Variants in CCDC71 observed in about 807,000 individuals in gnomAD.
CCDC71 encodes coiled-coil domain containing 71, also known as coiled-coil domain-containing protein 71.
For synonymous variants in CCDC71, 257 were observed against 242.2 expected, an observed-to-expected ratio of 1.06 and a Z score of -0.57; for missense variants, 594 against 604.0, an observed-to-expected ratio of 0.98 and a Z score of 0.17.
chr3:49,162,652 A>T lies in CCDC71; in HGVS notation c.*153T>A, dbSNP rs1320869252. 1 of 20,848 alleles carries T rather than the reference A, an allele frequency of 4.8e-5. No individual in the cohort carries two copies. 1.3% of individuals were successfully genotyped at this position (20,848 alleles called of 1,614,324 possible). A position where few individuals can be genotyped will look rare whatever the true frequency, so the allele number is the denominator to read the frequency against. ...CCACCCACCCCACCGTACCCCACCC[A>T]CTCTGGTTTCTGAAAGGAGGCTGGT... On this transcript the variant is annotated 3_prime_UTR_variant, in exon 2 of 2. Transcript: ENST00000321895.
chr3:49,164,063 A>T lies in CCDC71; in HGVS notation c.146T>A (p.Val49Glu). The stretch of plus-strand genomic sequence containing the variant: ...ATCTCGCAGGCCCTGCAGGAAGGCC[A>T]CAAGCTGGGCCTCTGTGGCACTGAG... Reference protein sequence around the residue: ...QDLSATEAQLVAFLQGLRDDG... With the variant: ...QDLSATEAQLEAFLQGLRDDG... The change falls in exon 2 of 2, where the codon GTG (valine) becomes GAG (glutamate). Residue 49 changes from valine to glutamate, a missense_variant. Coordinates refer to ENST00000321895, the MANE Select transcript of CCDC71 (RefSeq NM_022903.4). The T allele has an allele frequency of 1.9e-6, 3 of 1,614,162 alleles. No individual in the cohort carries two copies. The highest frequency in any genetic ancestry group is 2.5e-6 in the Non-Finnish European group (3 of 1,180,034).
rs1298022896 is a variant in CCDC71, at chr3:49,166,042, G to C, written c.-53+225C>G. Among the ~76,000 whole-genome samples, 1 of 152,198 alleles carries C rather than the reference G, an allele frequency of 6.6e-6. No individual in the cohort carries two copies. ...TCCTTAGGGCCCAAGCCGTGAGGCG[G>C]GGGTCACTGAGGCAGCGAAATGTAC... On this transcript the variant is annotated intron_variant, in intron 1 of 1. Transcript: ENST00000321895. This position sits in a 1 kb window ranked among gnomAD's most constrained non-coding sequence, Gnocchi z 4.0.
In CCDC71 at chr3:49,166,328, G is replaced by T. The variant is rs912822409; in HGVS notation, c.-114C>A. ...CCGCCTCCGCTGCTCCAACATGGCC[G>T]CCCGCTGCGCGCCGGAAGTGCACTG... On this transcript the variant is annotated 5_prime_UTR_variant, in exon 1 of 2. Coordinates refer to ENST00000321895, the MANE Select transcript of CCDC71 (RefSeq NM_022903.4). The surrounding 1 kb of genome is among the most constrained non-coding windows in gnomAD (Gnocchi z 4.0). 1 of 152,480 alleles carries T rather than the reference G, an allele frequency of 6.6e-6. No homozygotes were observed. Among genetic ancestry groups the T allele is most frequent in the African/African-American group, 2.4e-5 (1 of 41,424 alleles). 9.4% of individuals were successfully genotyped at this position (152,480 alleles called of 1,614,324 possible).
rs200635627 is a variant in CCDC71 at position 49,162,958 on chromosome 3, C to T, written c.1251G>A (p.Gly417=). Residue 417 remains glycine, a synonymous_variant, in exon 2 of 2, where the codon GGG becomes GGA. Coordinates refer to ENST00000321895, the MANE Select transcript of CCDC71 (RefSeq NM_022903.4). ...LGPRSPKAWL[G]PGTAKLLKFR... ...ACTTCAGCAGCTTTGCTGTTCCAGG[C>T]CCTAGCCATGCCTTAGGAGATCGGG... 2 of 1,614,268 alleles carry T rather than the reference C, an allele frequency of 1.2e-6. No homozygotes were observed. Among genetic ancestry groups the T allele is most frequent in the Non-Finnish European group, 1.7e-6 (2 of 1,180,044 alleles).
rs2045723784 is a variant in CCDC71, at chr3:49,166,231, C to T, written c.-53+36G>A. The T allele has an allele frequency of 6.6e-6, 1 of 151,952 alleles. No individual in the cohort carries two copies. The highest frequency in any genetic ancestry group is 1.5e-5 in the Non-Finnish European group (1 of 67,958). The allele number at this position is 151,952 out of a possible 1,614,324, so 9.4% of individuals were successfully genotyped here. A position where few individuals can be genotyped will look rare whatever the true frequency, so the allele number is the denominator to read the frequency against. On this transcript the variant is annotated intron_variant, in intron 1 of 1. Transcript: ENST00000321895. The surrounding 1 kb of genome is among the most constrained non-coding windows in gnomAD (Gnocchi z 4.0). The stretch of plus-strand genomic sequence containing the variant: ...CGCCCTGCCGCCTCGCGGGCCGCCC[C>T]TCCGCGGCGCGGCTAGGCCCGCGGC...
Position 49,163,113 on chromosome 3 carries a change from G to A in CCDC71, c.1096C>T (p.Pro366Ser), listed in dbSNP as rs1269091771. 1 of 1,614,224 alleles carries A rather than the reference G, an allele frequency of 6.2e-7. No individual in the cohort carries two copies. Among genetic ancestry groups the A allele is most frequent in the Middle Eastern group, 1.6e-4 (1 of 6,062 alleles). ...GTTCTGGCCTTAGCAGATCCCTTTG[G>A]CCTGCCTCTGCCCCTGGGCTGGGTC... ...ARTQPRGRGR[P>S]KGSAKARTTR... The change falls in exon 2 of 2, where the codon CCA (proline) becomes TCA (serine). Residue 366 changes from proline to serine, a missense_variant. Coordinates refer to ENST00000321895, the MANE Select transcript of CCDC71 (RefSeq NM_022903.4).
At position 49,163,596 on chromosome 3, in the gene CCDC71, G is replaced by A. The variant is rs370177040; in HGVS notation, c.613C>T (p.Leu205Phe). The A allele has an allele frequency of 1.1e-5, 18 of 1,614,126 alleles. No homozygotes were observed. In the African/African-American group the frequency reaches 2.3e-4, roughly 20 times the overall value. Residue 205 changes from leucine (L) to phenylalanine (F), a missense_variant, in exon 2 of 2, where the codon CTT becomes TTT. Physicochemically the swap from Leu to Phe is conservative, Grantham distance 22 (BLOSUM62 0). Coordinates refer to ENST00000321895, the MANE Select transcript of CCDC71 (RefSeq NM_022903.4). ...CGCAGTTTCAGAGGAGAGTCTGCAA[G>A]TGAGAGCTGCAGTGACTGTGCCTTG... Reference protein sequence around the residue: ...KHKAQSLQLSLADSPLKLRKS... With the variant: ...KHKAQSLQLSFADSPLKLRKS...
rs895010926 is a variant in CCDC71, at chr3:49,166,181, G to A, written c.-53+86C>T. 1.3e-5 allele frequency: 2 copies of A among 151,994 alleles called. No individual in the cohort carries two copies. The highest frequency in any genetic ancestry group is 6.5e-5 in the Admixed American group (1 of 15,268). The allele number at this position is 151,994 out of a possible 1,614,324, so 9.4% of individuals were successfully genotyped here. A position where few individuals can be genotyped will look rare whatever the true frequency, so the allele number is the denominator to read the frequency against. On this transcript the variant is annotated intron_variant, in intron 1 of 1. Transcript: ENST00000321895. The surrounding 1 kb of genome is among the most constrained non-coding windows in gnomAD (Gnocchi z 4.0). ...CCAGGCCGGCGGAGGACGCGGGTCC[G>A]GGAAGAGTTGGCCGCTTGCCCGTCC... is the stretch of plus-strand genomic sequence containing the variant.
In CCDC71 at chr3:49,162,555, T is replaced by C. The variant is rs1297871848; in HGVS notation, c.*250A>G. 3 of 560,670 alleles carry C rather than the reference T, an allele frequency of 5.4e-6. No individual in the cohort carries two copies. The highest frequency in any genetic ancestry group is 4.5e-5 in the South Asian group (2 of 44,332). 34.7% of individuals were successfully genotyped at this position (560,670 alleles called of 1,614,324 possible). On this transcript the variant is annotated 3_prime_UTR_variant, in exon 2 of 2. Coordinates refer to ENST00000321895, the MANE Select transcript of CCDC71 (RefSeq NM_022903.4). Reference sequence around the variant, plus strand: ...GAAGGTGGAAAGGTATAAAACGTGATAGATGGAACAGTAGACATACAACTT... The same window carrying C: ...GAAGGTGGAAAGGTATAAAACGTGACAGATGGAACAGTAGACATACAACTT...
In CCDC71 at chr3:49,166,041, G is replaced by A. The variant is rs912538200; in HGVS notation, c.-53+226C>T. Among the ~76,000 whole-genome samples the A allele has an allele frequency of 6.6e-6, 1 of 152,178 alleles. No individual in the cohort carries two copies. Among genetic ancestry groups the A allele is most frequent in the Non-Finnish European group, 1.5e-5 (1 of 68,002 alleles). On this transcript the variant is annotated intron_variant, in intron 1 of 1. Coordinates refer to ENST00000321895, the MANE Select transcript of CCDC71 (RefSeq NM_022903.4). This position sits in a 1 kb window ranked among gnomAD's most constrained non-coding sequence, Gnocchi z 4.0. ...GTCCTTAGGGCCCAAGCCGTGAGGCGGGGGTCACTGAGGCAGCGAAATGTA... is the reference window on the plus strand; with the variant it reads ...GTCCTTAGGGCCCAAGCCGTGAGGCAGGGGTCACTGAGGCAGCGAAATGTA...
Position 49,164,020 on chromosome 3 carries a change from G to T in CCDC71, c.189C>A (p.Thr63=). Residue 63 remains threonine, a synonymous_variant, in exon 2 of 2, where the codon ACC becomes ACA. Transcript: ENST00000321895. ...QGLRDDGFQP[T]ILRSGDVYGY... ...CATAGACATCACCACTGCGCAGGATGGTAGGTTGGAAGCCATCATCTCGCA... is the reference window on the plus strand; with the variant it reads ...CATAGACATCACCACTGCGCAGGATTGTAGGTTGGAAGCCATCATCTCGCA... 2 of 1,614,174 alleles carry T rather than the reference G, an allele frequency of 1.2e-6. No individual in the cohort carries two copies. The highest frequency in any genetic ancestry group is 4.5e-5 in the East Asian group (2 of 44,880).
chr3:49,163,400 A>C lies in CCDC71; in HGVS notation c.809T>G (p.Met270Arg), dbSNP rs1357148545. The C allele has an allele frequency of 6.2e-7, 1 of 1,613,858 alleles. No individual in the cohort carries two copies. The highest frequency in any genetic ancestry group is 8.5e-7 in the Non-Finnish European group (1 of 1,179,992). Residue 270 changes from methionine (M) to arginine (R), a missense_variant, in exon 2 of 2, where the codon ATG (methionine) becomes AGG (arginine). Transcript: ENST00000321895. Reference sequence around the variant, plus strand: ...GGTGCCCAGGGCAGAGCCCCCTTTCATTCGCCGGACACTGGGGGACCCAGT... The same window carrying C: ...GGTGCCCAGGGCAGAGCCCCCTTTCCTTCGCCGGACACTGGGGGACCCAGT... ...RATGSPSVRR[M>R]KGGSALGTKT... is the part of the protein sequence containing the mutation.
chr3:49,162,617 C>CA lies in CCDC71; in HGVS notation c.*187_*188insT. On this transcript the variant is annotated 3_prime_UTR_variant, in exon 2 of 2. Transcript: ENST00000321895. ...CACAGTGCATCGCGCCATGAAAACA[C>CA]CCCTCCCGCCCACCCACCCCACCGT... The CA allele has an allele frequency of 4.2e-5, 6 of 143,082 alleles. No homozygotes were observed. The East Asian group carries it at 6.3e-4, about 15-fold the overall frequency. 8.9% of individuals were successfully genotyped at this position (143,082 alleles called of 1,614,324 possible). A position where few individuals can be genotyped will look rare whatever the true frequency, so the allele number is the denominator to read the frequency against.
chr3:49,162,962 A>C lies in CCDC71; in HGVS notation c.1247T>G (p.Leu416Arg). 1 of 1,614,260 alleles carries C rather than the reference A, an allele frequency of 6.2e-7. No individual in the cohort carries two copies. The highest frequency in any genetic ancestry group is 1.1e-5 in the South Asian group (1 of 91,092). ...RLGPRSPKAW[L>R]GPGTAKLLKF... ...CAGCAGCTTTGCTGTTCCAGGCCCTAGCCATGCCTTAGGAGATCGGGGCCC... is the reference window on the plus strand; with the variant it reads ...CAGCAGCTTTGCTGTTCCAGGCCCTCGCCATGCCTTAGGAGATCGGGGCCC... Residue 416 changes from leucine (L) to arginine (R), a missense_variant, in exon 2 of 2, where the codon CTA (leucine) becomes CGA (arginine). Coordinates refer to ENST00000321895, the MANE Select transcript of CCDC71 (RefSeq NM_022903.4).
In CCDC71 at chr3:49,163,596, G is replaced by C. The variant is rs370177040; in HGVS notation, c.613C>G (p.Leu205Val). Residue 205 changes from leucine to valine, a missense_variant, in exon 2 of 2, where the codon CTT becomes GTT. Leu to Val is a conservative substitution (Grantham distance 32). Transcript: ENST00000321895. ...KHKAQSLQLS[L>V]ADSPLKLRKS... ...CGCAGTTTCAGAGGAGAGTCTGCAA[G>C]TGAGAGCTGCAGTGACTGTGCCTTG... The C allele has an allele frequency of 6.2e-7, 1 of 1,614,126 alleles. No homozygotes were observed. The highest frequency in any genetic ancestry group is 8.5e-7 in the Non-Finnish European group (1 of 1,180,056).
chr3:49,162,696 G>A lies in CCDC71; in HGVS notation c.*109C>T. ...GGCTGGTGGTCACCAGGGCCCTAGA[G>A]AGGCACCGGGAGTCCTCAAGATTGT... On this transcript the variant is annotated 3_prime_UTR_variant, in exon 2 of 2. Coordinates refer to ENST00000321895, the MANE Select transcript of CCDC71 (RefSeq NM_022903.4). 1 of 948,696 alleles carries A rather than the reference G, an allele frequency of 1.1e-6. No individual in the cohort carries two copies. The highest frequency in any genetic ancestry group is 1.4e-6 in the Non-Finnish European group (1 of 717,386). The allele number at this position is 948,696 out of a possible 1,614,324, so 58.8% of individuals were successfully genotyped here.
rs200034853 is a variant in CCDC71 at position 49,163,641 on chromosome 3, G to A, written c.568C>T (p.Pro190Ser). Residue 190 changes from proline to serine, a missense_variant, in exon 2 of 2, where the codon CCC becomes TCC. Physicochemically the swap from Pro to Ser is moderately conservative, Grantham distance 74. Coordinates refer to ENST00000321895, the MANE Select transcript of CCDC71 (RefSeq NM_022903.4). ...EALVPLKTPM[P>S]CLGAKHKAQS... ...GCCTTGTGCTTGGCACCCAAGCAGG[G>A]CATGGGAGTCTTAAGTGGAACCAGG... 69 of 1,614,136 alleles carry A rather than the reference G, an allele frequency of 4.3e-5. No individual in the cohort carries two copies. In the East Asian group the frequency reaches 1.1e-3, roughly 26 times the overall value.
rs1033288593 is a variant in CCDC71, at chr3:49,162,732, G to A, written c.*73C>T. ...AGTCCTCAAGATTGTGGAGTCCACG[G>A]ACATAGCACACTGTGCCACTAGCCA... On this transcript the variant is annotated 3_prime_UTR_variant, in exon 2 of 2. Coordinates refer to ENST00000321895, the MANE Select transcript of CCDC71 (RefSeq NM_022903.4). The A allele has an allele frequency of 2.7e-5, 40 of 1,485,406 alleles. No homozygotes were observed. In the African/African-American group the frequency reaches 5.5e-4, roughly 21 times the overall value. The allele number at this position is 1,485,406 out of a possible 1,614,324, so 92.0% of individuals were successfully genotyped here. A position where few individuals can be genotyped will look rare whatever the true frequency, so the allele number is the denominator to read the frequency against.
chr3:49,163,233 C>G lies in CCDC71; in HGVS notation c.976G>C (p.Ala326Pro). 1 of 1,572,070 alleles carries G rather than the reference C, an allele frequency of 6.4e-7. No individual in the cohort carries two copies. Among genetic ancestry groups the G allele is most frequent in the Non-Finnish European group, 8.7e-7 (1 of 1,148,722 alleles). ...TTGGCCTTGGCCTTGACCTGTGCTG[C>G]CTTAGCTTTGGCCTTAGCCTTGACC... ...AQVKAKAKAK[A>P]AQVKAKAKVM... The change falls in exon 2 of 2, where the codon GCA becomes CCA. Residue 326 changes from alanine (A) to proline (P), a missense_variant. Ala to Pro is a conservative substitution (Grantham distance 27). Transcript: ENST00000321895.
Sources: gnomAD v4.1 joint callset for allele counts (sites outside exome capture counted in the v4.1 genomes callset) on GRCh38, gnomAD v4.1.1 for gene constraint, Gnocchi (gnomAD v3.1) non-coding constraint, MANE v1.5 for transcripts, NCBI Gene and HGNC (gene_info 2026-07-23, HGNC 2026-07-21) for gene names.